The following HEG1 variants were observed in gnomAD, a reference collection of about 807,000 sequenced individuals.
HEG1 encodes the protein heart development protein with EGF like domains 1, also known as protein HEG homolog 1.
HEG1 carries 56 observed loss-of-function variants against 125.6 expected under a neutral mutation model. The observed-to-expected ratio is 0.45, with a 90% confidence interval of 0.36 to 0.56. The LOEUF (loss-of-function observed/expected upper bound fraction) is 0.56. HEG1 is among the 20% of genes least tolerant of loss of function. The pLI is 0.00. For synonymous variants in HEG1, 644 were observed against 668.5 expected (o/e 0.96, Z 0.57); for missense variants, 1,523 against 1,670.0 (o/e 0.91, Z 1.53).
chr3:125,014,707 CCCCACCT>C, intron 5 of HEG1: 9 of 1,255,922 alleles, frequency 7.2e-6, no homozygotes, highest in Non-Finnish European at 9.3e-6. Context: ...GTGGAAGACA[CCCCACCT>C]CCGAGTGCAC....
intron 16 of HEG1, among the ~76,000 whole-genome samples, chr3:124,973,100 C>A (rs1170502124): frequency 1.3e-5 from 2 of 151,998 alleles, no homozygotes; most frequent in African/African-American, 4.8e-5. Context: ...TGGCTCACTG[C>A]AACCTCTGCC....
intron 14 of HEG1, among the ~76,000 whole-genome samples, chr3:124,987,190 G>A (rs1014522832): frequency 1.3e-5 from 2 of 152,172 alleles, no homozygotes; most frequent in African/African-American, 4.8e-5. Flanking sequence ...GGGCAATAGA[G>A]AGAGACCTCA....
intron 1 of HEG1, among the ~76,000 whole-genome samples, chr3:125,052,453 C>T (rs537997654): frequency 8.5e-5 from 13 of 152,160 alleles, no homozygotes; most frequent in Non-Finnish European, 5.9e-5. Context: ...TATTGTTTCT[C>T]GGGCTGGCTG....
At chr3:124,994,378 G>A (rs1394065565) in intron 12 of HEG1, among the ~76,000 whole-genome samples, 3 of 152,242 alleles carry the variant, frequency 2.0e-5, no homozygotes, top group Non-Finnish European at 4.4e-5. Context: ...TGACCACAGA[G>A]CACTGAAGAT....
intron 5 of HEG1, 84 bp from the exon 6 acceptor site, chr3:125,014,074 C>A: frequency 1.6e-6 from 2 of 1,235,928 alleles, no homozygotes; most frequent in South Asian, 1.6e-5. Context: ...CTTTCAGTGT[C>A]ATGAAACTCA....
At chr3:124,978,362 T>G (rs1936584439) in intron 14 of HEG1, among the ~76,000 whole-genome samples, 2 of 152,164 alleles carry the variant, frequency 1.3e-5, no homozygotes, top group African/African-American at 4.8e-5. Flanking sequence ...TTAGCCAGGA[T>G]GGTCTCAATC....
intron 5 of HEG1, chr3:125,015,139 A>C (rs1406779970): frequency 3.9e-6 from 2 of 514,648 alleles, no homozygotes; most frequent in Non-Finnish European, 5.9e-6. Flanking sequence ...TCTTTATCTG[A>C]GATGTCTGTT....
intron 12 of HEG1, among the ~76,000 whole-genome samples, chr3:124,993,120 C>G (rs1273067322): frequency 6.6e-6 from 1 of 152,134 alleles, no homozygotes; most frequent in Non-Finnish European, 1.5e-5. Context: ...TTTTCAAAGT[C>G]ATGTTTCCCT....
chr3:125,008,459 A>G (rs1937103279), intron 8 of HEG1, among the ~76,000 whole-genome samples: 1 of 152,328 alleles, frequency 6.6e-6, no homozygotes, highest in South Asian at 2.1e-4. Context: ...ATTTAAGATG[A>G]CTGAAAGATG....
chr3:124,985,645 T>G (rs938749192), intron 14 of HEG1, among the ~76,000 whole-genome samples: 2 of 152,130 alleles, frequency 1.3e-5, no homozygotes, highest in Admixed American at 6.6e-5. Flanking sequence ...AACAGAGAGA[T>G]ATTTTACGTG....
At chr3:124,997,031 T>C (rs1400104497) in intron 12 of HEG1, among the ~76,000 whole-genome samples, 1 of 152,244 alleles carries the variant, frequency 6.6e-6, no homozygotes, top group Non-Finnish European at 1.5e-5. Context: ...TAGAATTAGA[T>C]TTCTGCTCTC....
chr3:125,026,891 TCAGGAGACTGAGG>T lies in HEG1; in HGVS notation c.913+301_913+313del, dbSNP rs567473607. 9.6e-4 allele frequency among the ~76,000 whole-genome samples: 146 copies of T among 152,182 alleles called. 1 individual carries two copies. Among genetic ancestry groups the T allele is most frequent in the African/African-American group, 3.3e-3 (138 of 41,508 alleles). On this transcript the variant is annotated intron_variant, in intron 3 of 16. Transcript: ENST00000311127. ...GATGGGCGCCTGTAATCCCAGCTACTCAGGAGACTGAGGCAGGAGAATCGCTTGAACCTGGGAG... is the reference window on the plus strand; with the variant it reads ...GATGGGCGCCTGTAATCCCAGCTACTCAGGAGAATCGCTTGAACCTGGGAG...
At chr3:125,052,477 C>T (rs772053183) in intron 1 of HEG1, among the ~76,000 whole-genome samples, 2 of 152,158 alleles carry the variant, frequency 1.3e-5, no homozygotes, top group Non-Finnish European at 2.9e-5. Context: ...AGCTACTCAG[C>T]GTCATTTCCC....
chr3:125,009,105 C>G (rs1365542446), intron 8 of HEG1, among the ~76,000 whole-genome samples: 1 of 152,178 alleles, frequency 6.6e-6, no homozygotes, highest in Non-Finnish European at 1.5e-5. Flanking sequence ...ACAGCTTCAT[C>G]ATGAATCTAT....
chr3:125,033,281 T>C (rs1289357851), intron 1 of HEG1, among the ~76,000 whole-genome samples: 1 of 152,192 alleles, frequency 6.6e-6, no homozygotes, highest in Non-Finnish European at 1.5e-5. Context: ...GCAGCTGCCC[T>C]GGAGGCACCT....
chr3:125,002,278 C>T lies in HEG1; in HGVS notation c.3335G>A (p.Arg1112Gln), dbSNP rs370898042. The change falls in exon 10 of 17, where the codon CGA becomes CAA. Residue 1112 changes from arginine to glutamine, a missense_variant. Coordinates refer to ENST00000311127, the MANE Select transcript of HEG1 (RefSeq NM_020733.2). ...MCFSALPSYIRSTVHASRESN... is the reference protein window; with the variant it reads ...MCFSALPSYIQSTVHASRESN... ...TTACCTAGAGGCGTGAACTGTAGATCGGATGTAACTAGGTAACGCTGAAAA... is the reference window on the plus strand; with the variant it reads ...TTACCTAGAGGCGTGAACTGTAGATTGGATGTAACTAGGTAACGCTGAAAA... The T allele has an allele frequency of 1.5e-5, 24 of 1,613,420 alleles. No homozygotes were observed. Among genetic ancestry groups the T allele is most frequent in the Middle Eastern group, 1.6e-4 (1 of 6,084 alleles).
intron 1 of HEG1, among the ~76,000 whole-genome samples, chr3:125,050,284 C>T (rs1158520360): frequency 6.6e-6 from 1 of 152,040 alleles, no homozygotes. Context: ...GCTGGGATTA[C>T]AGGCACATGC....
chr3:125,017,109 C>T (rs1937261461), intron 5 of HEG1, among the ~76,000 whole-genome samples: 1 of 151,338 alleles, frequency 6.6e-6, no homozygotes, highest in Non-Finnish European at 1.5e-5. Flanking sequence ...GGCTAGAGTG[C>T]AGTGGCATGA....
chr3:125,044,274 T>C (rs1418449587), intron 1 of HEG1, among the ~76,000 whole-genome samples: 1 of 152,140 alleles, frequency 6.6e-6, no homozygotes, highest in African/African-American at 2.4e-5. Flanking sequence ...TATTCAAATA[T>C]AACCAGTATT....
Sources: allele counts gnomAD v4.1 joint callset (sites outside exome capture counted in the v4.1 genomes callset), GRCh38; gene constraint gnomAD v4.1.1; transcripts MANE v1.5; gene names NCBI Gene and HGNC (gene_info 2026-07-23, HGNC 2026-07-21).